The following MYO1H variants were observed in gnomAD, a reference collection of about 807,000 sequenced individuals.
MYO1H encodes myosin IH.
In MYO1H, 118 loss-of-function variants were observed where a neutral mutation model predicts 149.3. That is an observed-to-expected ratio of 0.79 (90% CI 0.68 to 0.92). The LOEUF (loss-of-function observed/expected upper bound fraction) is 0.92, where lower values mean the gene tolerates loss of function less well. Among genes scored for constraint, MYO1H ranks in the 40% least tolerant of loss-of-function variants. The pLI, the probability that MYO1H is intolerant of heterozygous loss-of-function variation, is 0.00. For synonymous variants in MYO1H, 447 were observed against 465.2 expected, an observed-to-expected ratio of 0.96 and a Z score of 0.50; for missense variants, 1,212 against 1,280.7, an observed-to-expected ratio of 0.95 and a Z score of 0.82.
chr12:109,336,249 C>T, the MYO1H span, among the ~76,000 whole-genome samples: 1 of 152,174 alleles, frequency 6.6e-6, no homozygotes, highest in Non-Finnish European at 1.5e-5. Context: ...CAGTCATAGA[C>T]CTTTCCCTAT....
chr12:109,398,741 CAAAAAAAAAAAA>C (rs35031072), intron 5 of MYO1H, among the ~76,000 whole-genome samples: 2 of 51,994 alleles, frequency 3.8e-5, no homozygotes, highest in East Asian at 5.2e-4. Flanking sequence ...AACTTCCTCT[CAAAAAAAAAAAA>C]AAAAAAAAAA....
upstream of MYO1H, among the ~76,000 whole-genome samples, chr12:109,344,209 A>G (rs145743715): frequency 3.2e-3 from 487 of 152,322 alleles, 3 homozygotes; most frequent in Admixed American, 9.0e-3. Flanking sequence ...TCCACATGAT[A>G]TAACAGTTGA....
At chr12:109,342,875 A>G in the MYO1H span, among the ~76,000 whole-genome samples, 1 of 151,916 alleles carries the variant, frequency 6.6e-6, no homozygotes, top group Admixed American at 6.6e-5. Flanking sequence ...TGGTTAGGCT[A>G]ATTCTGCCTC....
intron 6 of MYO1H, among the ~76,000 whole-genome samples, chr12:109,401,762 C>T (rs1213134226): frequency 6.6e-6 from 1 of 151,032 alleles, no homozygotes; most frequent in African/African-American, 2.4e-5. Context: ...TTTTTTGGGA[C>T]AGGTTCTCAC....
chr12:109,400,729 G>C (rs1399709855), intron 5 of MYO1H, among the ~76,000 whole-genome samples: 2 of 152,146 alleles, frequency 1.3e-5, no homozygotes, highest in Non-Finnish European at 2.9e-5. Context: ...ATTCAGTAGA[G>C]AAAAGATCAT....
the MYO1H span, among the ~76,000 whole-genome samples, chr12:109,336,557 G>T: frequency 6.6e-6 from 1 of 152,120 alleles, no homozygotes; most frequent in Non-Finnish European, 1.5e-5. Context: ...CCTTAAGGTG[G>T]TCTCCACGTA....
chr12:109,365,062 G>A (rs1010882374), intron 1 of MYO1H, among the ~76,000 whole-genome samples: 2 of 152,126 alleles, frequency 1.3e-5, no homozygotes, highest in East Asian at 3.9e-4. Context: ...CTTGAGGCTA[G>A]GAGATCAAGT....
intron 1 of MYO1H, among the ~76,000 whole-genome samples, chr12:109,385,375 G>A (rs1056433723): frequency 6.7e-6 from 1 of 148,542 alleles, no homozygotes; most frequent in Non-Finnish European, 1.5e-5. Context: ...GCTCATTGCA[G>A]CCTCAGCCTT....
At chr12:109,442,550 G>A (rs565711779) in intron 27 of MYO1H, among the ~76,000 whole-genome samples, 1 of 152,264 alleles carries the variant, frequency 6.6e-6, no homozygotes, top group African/African-American at 2.4e-5. Context: ...ACTTAATCAC[G>A]AAACACCCCC....
intron 21 of MYO1H, among the ~76,000 whole-genome samples, chr12:109,436,167 C>T (rs930164989): frequency 2.0e-5 from 3 of 152,136 alleles, no homozygotes; most frequent in African/African-American, 7.2e-5. Flanking sequence ...GCTGATGATG[C>T]CTGCCTTGTG....
intron 9 of MYO1H, 26 bp from the exon 10 acceptor site, chr12:109,407,768 A>T: frequency 6.2e-7 from 1 of 1,612,010 alleles, no homozygotes; most frequent in Non-Finnish European, 8.5e-7. Flanking sequence ...TCCACCTATA[A>T]TGATGCACCT....
At chr12:109,330,365 G>A in the MYO1H span, among the ~76,000 whole-genome samples, 31 of 152,230 alleles carry the variant, frequency 2.0e-4, no homozygotes, top group Non-Finnish European at 3.8e-4. Context: ...TGATACTGTC[G>A]TTATTATAAA....
At chr12:109,318,985 T>G in the MYO1H span, among the ~76,000 whole-genome samples, 2,178 of 146,410 alleles carry the variant, frequency 0.015, 148 homozygotes, top group African/African-American at 0.053. Context: ...TTTTTTTTTT[T>G]TTTTTTTTTG....
intron 22 of MYO1H, among the ~76,000 whole-genome samples, chr12:109,436,837 C>G (rs1871880257): frequency 6.6e-6 from 1 of 152,042 alleles, no homozygotes; most frequent in Non-Finnish European, 1.5e-5. Context: ...ACCTATAATC[C>G]TAGCACTTTG....
intron 2 of MYO1H, among the ~76,000 whole-genome samples, chr12:109,390,999 C>A (rs1466226390): frequency 6.6e-6 from 1 of 152,168 alleles, no homozygotes; most frequent in Admixed American, 6.5e-5. Context: ...CTTTAAGAAC[C>A]ATAAATCAGG....
the MYO1H span, among the ~76,000 whole-genome samples, chr12:109,340,384 G>A: frequency 2.0e-5 from 3 of 152,138 alleles, no homozygotes; most frequent in African/African-American, 7.2e-5. Context: ...GGCCAGGCTG[G>A]TCTCGAACTC....
At chr12:109,406,470 A>T (rs1870396543) in intron 8 of MYO1H, among the ~76,000 whole-genome samples, 1 of 2,526 alleles carries the variant, frequency 4.0e-4, no homozygotes. Context: ...TATCTCTTAA[A>T]AAAAAAAAAA....
intron 14 of MYO1H, among the ~76,000 whole-genome samples, chr12:109,414,141 G>A (rs1400351259): frequency 6.6e-6 from 1 of 152,058 alleles, no homozygotes; most frequent in Admixed American, 6.6e-5. Flanking sequence ...TATGTGTGCT[G>A]TCAATATGTA....
chr12:109,396,387 C>T (rs774079235), exon 4 of MYO1H: 15 of 1,604,576 alleles, frequency 9.3e-6, no homozygotes, highest in East Asian at 9.0e-5. Context: ...CCTCCAGCTA[C>T]GCTATAGCCG....
Sources: gnomAD v4.1 joint callset for allele counts (sites outside exome capture counted in the v4.1 genomes callset) on GRCh38, gnomAD v4.1.1 for gene constraint, MANE v1.5 for transcripts, NCBI Gene and HGNC (gene_info 2026-07-23, HGNC 2026-07-21) for gene names.